The following ATP6V0A1 variants were observed in gnomAD, a reference collection of about 807,000 sequenced individuals.
The protein encoded by ATP6V0A1 is V-type proton ATPase 116 kDa subunit a 1.
ATP6V0A1 carries 43 observed loss-of-function variants against 105.4 expected under a neutral mutation model. That is an observed-to-expected ratio of 0.41 (90% confidence interval 0.32 to 0.53). The LOEUF is 0.53. Ranked by LOEUF, ATP6V0A1 falls within the 20% of genes least tolerant of loss-of-function variation. ATP6V0A1 has a pLI of 0.30. For synonymous variants in ATP6V0A1, 362 were observed against 372.8 expected, an observed-to-expected ratio of 0.97 and a Z score of 0.33; for missense variants, 676 against 1,051.1, an observed-to-expected ratio of 0.64 and a Z score of 4.93.
At chr17:42,517,987 C>A (rs1032976927) in intron 21 of ATP6V0A1, 1 of 152,260 alleles carries the variant, frequency 6.6e-6, no homozygotes, top group Non-Finnish European at 1.5e-5. Flanking sequence ...AAACAGTGAG[C>A]AGGCTAATGT....
intron 1 of ATP6V0A1, 198 bp downstream of exon 1, chr17:42,459,161 G>T (rs934918809): frequency 1.3e-5 from 2 of 152,234 alleles, no homozygotes; most frequent in African/African-American, 2.4e-5. Context: ...TGGAAGCCCC[G>T]CATCTCTTCC....
At chr17:42,504,200 G>A (rs930080946) in intron 17 of ATP6V0A1, among the ~76,000 whole-genome samples, 11 of 152,180 alleles carry the variant, frequency 7.2e-5, no homozygotes, top group Non-Finnish European at 1.6e-4. Flanking sequence ...GACCCCAGAG[G>A]GCTGAGGATA....
At chr17:42,494,621 T>C (rs2090981988) in intron 12 of ATP6V0A1, 148 bp downstream of exon 12, 1 of 991,990 alleles carries the variant, frequency 1.0e-6, no homozygotes, top group Non-Finnish European at 1.4e-6. Context: ...AAAGACGACA[T>C]GTGCAAGCTG....
At chr17:42,466,218 G>A (rs960065371) in intron 2 of ATP6V0A1, among the ~76,000 whole-genome samples, 82 of 152,186 alleles carry the variant, frequency 5.4e-4, no homozygotes, top group African/African-American at 2.0e-3. Context: ...CTCCATTCCA[G>A]TAATGTTGCA....
chr17:42,494,956 A>G lies in ATP6V0A1; in HGVS notation c.1315-78A>G. 2.1e-6 allele frequency: 3 copies of G among 1,448,770 alleles called. No homozygotes were observed. In the South Asian group the frequency reaches 3.8e-5, roughly 18 times the overall value. The allele number at this position is 1,448,770 out of a possible 1,614,324, so 89.7% of individuals were successfully genotyped here. ...GTAAAGTAGTGCTGGAGAAAGGGGC[A>G]GGTATATTCTGAATAACATTGTCAC... On this transcript the variant is annotated intron_variant, in intron 12 of 21. Transcript: ENST00000343619.
chr17:42,480,819 A>G (rs972363301), intron 8 of ATP6V0A1, 70 bp downstream of exon 8: 31 of 1,399,468 alleles, frequency 2.2e-5, no homozygotes, highest in African/African-American at 1.2e-4. Flanking sequence ...AAAGTTCACA[A>G]TAGTGAAATA....
chr17:42,499,710 C>T (rs1184061581), intron 15 of ATP6V0A1, among the ~76,000 whole-genome samples: 1 of 151,632 alleles, frequency 6.6e-6, no homozygotes, highest in African/African-American at 2.4e-5. Context: ...ATTGCTTGAA[C>T]CCAGGAGGCA....
At chr17:42,489,707 C>T (rs1187606532) in intron 10 of ATP6V0A1, among the ~76,000 whole-genome samples, 1 of 151,950 alleles carries the variant, frequency 6.6e-6, no homozygotes, top group Non-Finnish European at 1.5e-5. Flanking sequence ...GCCAGAGAAG[C>T]TTATTGATTG....
intron 19 of ATP6V0A1, among the ~76,000 whole-genome samples, chr17:42,511,876 T>A (rs1197631827): frequency 6.6e-6 from 1 of 151,306 alleles, no homozygotes; most frequent in Non-Finnish European, 1.5e-5. Context: ...GGCAGGAGAA[T>A]TGCTTGAACC....
chr17:42,507,717 T>C, intron 18 of ATP6V0A1, 90 bp downstream of exon 18: 1 of 1,096,336 alleles, frequency 9.1e-7, no homozygotes, highest in Non-Finnish European at 1.4e-6. Flanking sequence ...AGTCTTCTCC[T>C]TGAAAAATAA....
intron 5 of ATP6V0A1, among the ~76,000 whole-genome samples, chr17:42,474,599 A>G (rs1324114519): frequency 6.6e-6 from 1 of 152,210 alleles, no homozygotes; most frequent in Admixed American, 6.5e-5. Flanking sequence ...GTGCACTTCA[A>G]ATAATGCGAA....
At chr17:42,497,516 CA>C (rs1329468870) in intron 14 of ATP6V0A1, among the ~76,000 whole-genome samples, 2 of 149,596 alleles carry the variant, frequency 1.3e-5, no homozygotes, top group East Asian at 2.0e-4. Flanking sequence ...ACTAAAAATA[CA>C]AAAAAAATTA....
intron 3 of ATP6V0A1, among the ~76,000 whole-genome samples, chr17:42,467,562 A>G (rs1239599840): frequency 1.3e-5 from 2 of 152,210 alleles, no homozygotes; most frequent in Admixed American, 6.5e-5. Flanking sequence ...ATTGTTTTCA[A>G]ATTTAATGAA....
chr17:42,481,239 T>C (rs556682235), intron 8 of ATP6V0A1: 22 of 151,198 alleles, frequency 1.5e-4, no homozygotes, highest in African/African-American at 5.3e-4. Flanking sequence ...TTTTTTTTTT[T>C]TCTGACCGAG....
chr17:42,474,792 A>G (rs1262045756), intron 5 of ATP6V0A1, among the ~76,000 whole-genome samples: 1 of 152,256 alleles, frequency 6.6e-6, no homozygotes, highest in Non-Finnish European at 1.5e-5. Flanking sequence ...GAAATGGCTA[A>G]ATCAGAAAAT....
intron 3 of ATP6V0A1, among the ~76,000 whole-genome samples, chr17:42,467,651 T>C (rs1205493761): frequency 1.3e-5 from 2 of 152,220 alleles, no homozygotes; most frequent in Non-Finnish European, 2.9e-5. Context: ...TTCATAACTC[T>C]GCTTTGCCAA....
At chr17:42,516,681 A>G (rs1003902700) in intron 21 of ATP6V0A1, among the ~76,000 whole-genome samples, 1 of 152,214 alleles carries the variant, frequency 6.6e-6, no homozygotes, top group South Asian at 2.1e-4. Flanking sequence ...GCACTGTTGC[A>G]GAGCAAGGCC....
chr17:42,483,841 C>T (rs2089815900), intron 9 of ATP6V0A1, among the ~76,000 whole-genome samples: 1 of 152,288 alleles, frequency 6.6e-6, no homozygotes, highest in Admixed American at 6.5e-5. Flanking sequence ...CTTGGCCTCC[C>T]AAAGTGCTGG....
intron 9 of ATP6V0A1, among the ~76,000 whole-genome samples, chr17:42,483,953 A>G (rs2089828135): frequency 6.6e-6 from 1 of 152,170 alleles, no homozygotes; most frequent in Non-Finnish European, 1.5e-5. Flanking sequence ...CCTGACCTCA[A>G]GTGATCCACC....
Sources: allele counts gnomAD v4.1 joint callset (sites outside exome capture counted in the v4.1 genomes callset), GRCh38; gene constraint gnomAD v4.1.1; transcripts MANE v1.5; gene names NCBI Gene and HGNC (gene_info 2026-07-23, HGNC 2026-07-21).